Variants in PLEKHG2 observed in about 807,000 individuals in gnomAD.
PLEKHG2 encodes the protein pleckstrin homology and RhoGEF domain containing G2, also known as pleckstrin homology domain-containing family G member 2.
A neutral mutation model predicts 104.4 loss-of-function variants in PLEKHG2; 71 were observed. The ratio of observed to expected loss-of-function variants is 0.68; its 90% CI spans 0.56 to 0.83. The LOEUF (loss-of-function observed/expected upper bound fraction) is 0.83. PLEKHG2 is among the 40% of genes least tolerant of loss of function. PLEKHG2 has a pLI of 0.00. For missense variants in PLEKHG2, 1,730 were observed against 1,809.4 expected, an observed-to-expected ratio of 0.96 and a Z score of 0.80; for synonymous variants, 728 against 737.0, an observed-to-expected ratio of 0.99 and a Z score of 0.20.
rs2078725496 is a variant in PLEKHG2 at position 39,423,069 on chromosome 19, C to T, written c.2015C>T (p.Pro672Leu). 1 of 1,614,172 alleles carries T rather than the reference C, an allele frequency of 6.2e-7. No homozygotes were observed. The highest frequency in any genetic ancestry group is 1.6e-4 in the Middle Eastern group (1 of 6,062). ...ISDVFEMPCLPAIPSVPNTPS... is the reference protein window; with the variant it reads ...ISDVFEMPCLLAIPSVPNTPS... ...GATGTTTTTGAGATGCCCTGCCTTC[C>T]AGCCATACCTAGTGTCCCCAACACC... Residue 672 changes from proline (P) to leucine (L), a missense_variant, in exon 18 of 19, where the codon CCA (proline) becomes CTA (leucine). Pro to Leu is a moderately conservative substitution (Grantham distance 98). Transcript: ENST00000425673.
Position 39,425,003 on chromosome 19 carries a change from G to A in PLEKHG2, c.3870G>A (p.Leu1290=), listed in dbSNP as rs905297615. Residue 1290 remains leucine, a synonymous_variant, in exon 19 of 19, where the codon CTG becomes CTA. Coordinates refer to ENST00000425673, the MANE Select transcript of PLEKHG2 (RefSeq NM_022835.3). ...YLAASYISQS[L]ARRQGPGGGA... ...CAGCCTCATATATCAGCCAGAGCCTGGCTCGGCGGCAGGGGCCTGGGGGAG... is the reference window on the plus strand; with the variant it reads ...CAGCCTCATATATCAGCCAGAGCCTAGCTCGGCGGCAGGGGCCTGGGGGAG... The A allele has an allele frequency of 1.2e-6, 2 of 1,609,524 alleles. No homozygotes were observed. The highest frequency in any genetic ancestry group is 1.3e-5 in the African/African-American group (1 of 74,798).
rs773591527 is a variant in PLEKHG2, at chr19:39,425,418, G to T, written c.*124G>T. 6.3e-6 allele frequency: 9 copies of T among 1,422,080 alleles called. No homozygotes were observed. Among genetic ancestry groups the T allele is most frequent in the Non-Finnish European group, 8.3e-6 (9 of 1,082,582 alleles). The allele number at this position is 1,422,080 out of a possible 1,614,324, so 88.1% of individuals were successfully genotyped here. On this transcript the variant is annotated 3_prime_UTR_variant, in exon 19 of 19. Coordinates refer to ENST00000425673, the MANE Select transcript of PLEKHG2 (RefSeq NM_022835.3). ...AACTGCTGCGGCCTTCCAACTCCTG[G>T]TATCTGCATCGGCGAATGGCCCTTC...
rs8110127 is a variant in PLEKHG2, at chr19:39,416,087, A to G, written c.480-261A>G. On this transcript the variant is annotated intron_variant, in intron 4 of 18. Transcript: ENST00000425673. The surrounding 1 kb of genome is among the most constrained non-coding windows in gnomAD (Gnocchi z 4.5). ...ATCCTAGCTCTTTGGGTCATGATAT[A>G]ACACCCCTAGGCTCATGCCAGCACT... is the stretch of plus-strand genomic sequence containing the variant. 0.2 allele frequency among the ~76,000 whole-genome samples: 29,680 copies of G among 151,984 alleles called. 2,963 individuals are homozygous for G. The highest frequency in any genetic ancestry group is 0.24 in the Middle Eastern group (72 of 294).
Position 39,420,360 on chromosome 19 carries a change from C to CA in PLEKHG2, c.1264-251dup, listed in dbSNP as rs35833915. Among the ~76,000 whole-genome samples the CA allele has an allele frequency of 2.4e-3, 289 of 122,296 alleles. 2 individuals carry two copies. Among genetic ancestry groups the CA allele is most frequent in the East Asian group, 5.1e-3 (22 of 4,294 alleles). 80.2% of individuals were successfully genotyped at this position (122,296 alleles called of 152,430 possible). On this transcript the variant is annotated intron_variant, in intron 11 of 18. Transcript: ENST00000425673. ...GGCAACAAGAGCAAAATCTCCGTCTCAAAAAAAAAAAAAAATTAGCTGGAT... is the reference window on the plus strand; with the variant it reads ...GGCAACAAGAGCAAAATCTCCGTCTCAAAAAAAAAAAAAAAATTAGCTGGAT...
rs921916500 is a variant in PLEKHG2, at chr19:39,420,715, A to C, written c.1298-36A>C. 6 of 1,614,036 alleles carry C rather than the reference A, an allele frequency of 3.7e-6. No individual in the cohort carries two copies. The Admixed American group carries it at 5.0e-5, about 13-fold the overall frequency. On this transcript the variant is annotated intron_variant, in intron 12 of 18. Transcript: ENST00000425673. The stretch of plus-strand genomic sequence containing the variant: ...GGAAGTAGACGAATTACTTCCAAGA[A>C]AAAGTTGGCTTTTAGCCCCAAAACT...
Position 39,422,748 on chromosome 19 carries a change from T to C in PLEKHG2, c.1694T>C (p.Ile565Thr). ...CCACTATAGCCGTCCACCCATGACATTCCCAAGTTCCCCGGAGACTCCCAG... is the reference window on the plus strand; with the variant it reads ...CCACTATAGCCGTCCACCCATGACACTCCCAAGTTCCCCGGAGACTCCCAG... ...LRDPGPSTHD[I>T]PKFPGDSQVP... The change falls in exon 18 of 19, where the codon ATT becomes ACT. Residue 565 changes from isoleucine (I) to threonine (T), a missense_variant. Physicochemically the swap from Ile to Thr is moderately conservative, Grantham distance 89. Transcript: ENST00000425673. 1 of 1,521,952 alleles carries C rather than the reference T, an allele frequency of 6.6e-7. No homozygotes were observed. Among genetic ancestry groups the C allele is most frequent in the Non-Finnish European group, 8.8e-7 (1 of 1,137,676 alleles). 94.3% of individuals were successfully genotyped at this position (1,521,952 alleles called of 1,614,324 possible).
Position 39,415,194 on chromosome 19 carries a change from G to A in PLEKHG2, c.312G>A (p.Glu104=), listed in dbSNP as rs372487062. 3 of 1,589,154 alleles carry A rather than the reference G, an allele frequency of 1.9e-6. No homozygotes were observed. Among genetic ancestry groups the A allele is most frequent in the African/African-American group, 2.7e-5 (2 of 74,230 alleles). ...GTTCAGCCAGACCCTCAAGGCTGGAGCGTGTGGCCCGGGAGATCGTGGAGA... is the reference window on the plus strand; with the variant it reads ...GTTCAGCCAGACCCTCAAGGCTGGAACGTGTGGCCCGGGAGATCGTGGAGA... ...IPGSARPSRL[E]RVAREIVETE... The change falls in exon 3 of 19, where the codon GAG becomes GAA. Residue 104 remains glutamate, a synonymous_variant. Coordinates refer to ENST00000425673, the MANE Select transcript of PLEKHG2 (RefSeq NM_022835.3). This position sits in a 1 kb window ranked among gnomAD's most constrained non-coding sequence, Gnocchi z 4.6.
intron 11 of PLEKHG2, among the ~76,000 whole-genome samples, chr19:39,419,493 A>C (rs934973658): frequency 6.6e-6 from 1 of 152,116 alleles, no homozygotes; most frequent in African/African-American, 2.4e-5. Flanking sequence ...TGTAATCCCA[A>C]CACTTTGGGA....
intron 17 of PLEKHG2, 64 bp from the exon 18 acceptor site, chr19:39,422,668 C>A: frequency 6.7e-7 from 1 of 1,489,472 alleles, no homozygotes; most frequent in Non-Finnish European, 8.9e-7. Context: ...GGATTACAGG[C>A]GTGAGCCACC....
Position 39,413,887 on chromosome 19 carries a change from G to A in PLEKHG2, c.-22-178G>A. 1 of 478,028 alleles carries A rather than the reference G, an allele frequency of 2.1e-6. No homozygotes were observed. Among genetic ancestry groups the A allele is most frequent in the South Asian group, 2.5e-5 (1 of 39,510 alleles). 29.6% of individuals were successfully genotyped at this position (478,028 alleles called of 1,614,324 possible). A position where few individuals can be genotyped will look rare whatever the true frequency, so the allele number is the denominator to read the frequency against. ...TTGTCTCAGCCTTTCCATCTTTTTCGCCAGGTTCTCTCTCCTTGTCCCCTT... is the reference window on the plus strand; with the variant it reads ...TTGTCTCAGCCTTTCCATCTTTTTCACCAGGTTCTCTCTCCTTGTCCCCTT... On this transcript the variant is annotated intron_variant, in intron 1 of 18. Transcript: ENST00000425673. The surrounding 1 kb of genome is among the most constrained non-coding windows in gnomAD (Gnocchi z 4.5).
chr19:39,418,163 C>A (rs1275773831), intron 9 of PLEKHG2, 58 bp downstream of exon 9: 3 of 1,351,120 alleles, frequency 2.2e-6, no homozygotes, highest in Non-Finnish European at 1.9e-6. Context: ...TCCCATATAC[C>A]TGTATCTGTG....
intron 16 of PLEKHG2, chr19:39,421,531 C>G (rs1325482486): frequency 2.2e-5 from 12 of 557,490 alleles, no homozygotes; most frequent in Non-Finnish European, 3.2e-5. Flanking sequence ...ACAAAAAGTA[C>G]AAAAAAATTA....
rs766439909 is a variant in PLEKHG2 at position 39,415,005 on chromosome 19, C to G, written c.123C>G (p.Pro41=). 1 of 1,596,664 alleles carries G rather than the reference C, an allele frequency of 6.3e-7. No homozygotes were observed. The highest frequency in any genetic ancestry group is 8.5e-7 in the Non-Finnish European group (1 of 1,169,826). Residue 41 remains proline, a synonymous_variant, in exon 3 of 19, where the codon CCC becomes CCG. Coordinates refer to ENST00000425673, the MANE Select transcript of PLEKHG2 (RefSeq NM_022835.3). This position sits in a 1 kb window ranked among gnomAD's most constrained non-coding sequence, Gnocchi z 4.6. ...VCETRTAPAA[P]TMASPRGSGS... is the part of the protein sequence containing the mutation. ...ACACCCCAGCAGCTCCTGCAGCCCCCACCATGGCCTCCCCCCGAGGTTCTG... is the reference window on the plus strand; with the variant it reads ...ACACCCCAGCAGCTCCTGCAGCCCCGACCATGGCCTCCCCCCGAGGTTCTG...
At position 39,424,887 on chromosome 19, in the gene PLEKHG2, G is replaced by A. The variant is rs749623110; in HGVS notation, c.3754G>A (p.Glu1252Lys). ...GSLASHVARL[E>K]SSDLTPPHSP... ...CTTAGCCTCTCACGTTGCCAGGTTG[G>A]AGTCTTCAGACTTGACGCCACCTCA... The change falls in exon 19 of 19, where the codon GAG (glutamate) becomes AAG (lysine). Residue 1252 changes from glutamate (E) to lysine (K), a missense_variant. Transcript: ENST00000425673. The A allele has an allele frequency of 6.8e-6, 11 of 1,614,170 alleles. No individual in the cohort carries two copies.
Position 39,415,198 on chromosome 19 carries a change from G to A in PLEKHG2, c.316G>A (p.Val106Met). 1 of 1,587,512 alleles carries A rather than the reference G, an allele frequency of 6.3e-7. No homozygotes were observed. The highest frequency in any genetic ancestry group is 2.3e-5 in the East Asian group (1 of 43,304). The change falls in exon 3 of 19, where the codon GTG becomes ATG. Residue 106 changes from valine (V) to methionine (M), a missense_variant. Coordinates refer to ENST00000425673, the MANE Select transcript of PLEKHG2 (RefSeq NM_022835.3). The surrounding 1 kb of genome is among the most constrained non-coding windows in gnomAD (Gnocchi z 4.6). Reference protein sequence around the residue: ...GSARPSRLERVAREIVETERA... With the variant: ...GSARPSRLERMAREIVETERA... ...AGCCAGACCCTCAAGGCTGGAGCGT[G>A]TGGCCCGGGAGATCGTGGAGACAGA...
chr19:39,415,057 G>T lies in PLEKHG2; in HGVS notation c.175G>T (p.Gly59Cys), dbSNP rs1480832568. 2 of 1,593,594 alleles carry T rather than the reference G, an allele frequency of 1.3e-6. No individual in the cohort carries two copies. Among genetic ancestry groups the T allele is most frequent in the African/African-American group, 2.7e-5 (2 of 74,260 alleles). The change falls in exon 3 of 19, where the codon GGC (glycine) becomes TGC (cysteine). Residue 59 changes from glycine (G) to cysteine (C), a missense_variant. By Grantham distance (159) the Gly-to-Cys change is radical. Transcript: ENST00000425673. The surrounding 1 kb of genome is among the most constrained non-coding windows in gnomAD (Gnocchi z 4.6). Reference sequence around the variant, plus strand: ...GAGCTCCACATCCCTGAGCACAGTGGGCTCTGAGGGGGATCCAGCCCCTGG... The same window carrying T: ...GAGCTCCACATCCCTGAGCACAGTGTGCTCTGAGGGGGATCCAGCCCCTGG... ...SGSSTSLSTV[G>C]SEGDPAPGPT... is the part of the protein sequence containing the mutation.
Position 39,416,583 on chromosome 19 carries a change from C to T in PLEKHG2, c.579C>T (p.Cys193=). ...SEDFDIYTLY[C]MNYPSSLALL... ...ATTTTGACATCTACACATTGTACTGCATGAACTACCCGAGGTGAGGGGCAG... is the reference window on the plus strand; with the variant it reads ...ATTTTGACATCTACACATTGTACTGTATGAACTACCCGAGGTGAGGGGCAG... The change falls in exon 6 of 19, where the codon TGC becomes TGT. Residue 193 remains cysteine (C), a synonymous_variant. Transcript: ENST00000425673. The surrounding 1 kb of genome is among the most constrained non-coding windows in gnomAD (Gnocchi z 4.5). The T allele has an allele frequency of 3.1e-6, 5 of 1,613,948 alleles. No homozygotes were observed. The highest frequency in any genetic ancestry group is 4.2e-6 in the Non-Finnish European group (5 of 1,179,968).
rs2078559383 is a variant in PLEKHG2, at chr19:39,413,887, G to T, written c.-22-178G>T. 4.2e-6 allele frequency: 2 copies of T among 477,910 alleles called. No individual in the cohort carries two copies. Among genetic ancestry groups the T allele is most frequent in the South Asian group, 2.5e-5 (1 of 39,514 alleles). 29.6% of individuals were successfully genotyped at this position (477,910 alleles called of 1,614,324 possible). A position where few individuals can be genotyped will look rare whatever the true frequency, so the allele number is the denominator to read the frequency against. ...TTGTCTCAGCCTTTCCATCTTTTTC[G>T]CCAGGTTCTCTCTCCTTGTCCCCTT... On this transcript the variant is annotated intron_variant, in intron 1 of 18. Transcript: ENST00000425673. The surrounding 1 kb of genome is among the most constrained non-coding windows in gnomAD (Gnocchi z 4.5).
At chr19:39,421,157 G>T in intron 15 of PLEKHG2, 44 bp downstream of exon 15, 1 of 1,610,000 alleles carries the variant, frequency 6.2e-7, no homozygotes, top group Non-Finnish European at 8.5e-7. Flanking sequence ...CCTGTCTGTC[G>T]CCCGGTGGGA....
Sources: allele counts gnomAD v4.1 joint callset (sites outside exome capture counted in the v4.1 genomes callset), GRCh38; gene constraint gnomAD v4.1.1; non-coding constraint Gnocchi (gnomAD v3.1); transcripts MANE v1.5; gene names NCBI Gene and HGNC (gene_info 2026-07-23, HGNC 2026-07-21).